SGCD: variants seen among roughly 807,000 people sequenced by gnomAD.
The protein encoded by SGCD is delta-sarcoglycan.
SGCD carries 18 observed loss-of-function variants against 36.6 expected under a neutral mutation model. That is an observed-to-expected ratio of 0.49 (90% confidence interval 0.34 to 0.73). The LOEUF (loss-of-function observed/expected upper bound fraction) is 0.73. Among genes scored for constraint, SGCD ranks in the 30% least tolerant of loss-of-function variants. The pLI, the probability that SGCD is intolerant of heterozygous loss-of-function variation, is 0.01. For synonymous variants in SGCD, 133 were observed against 130.6 expected, an observed-to-expected ratio of 1.02 and a Z score of -0.12; for missense variants, 387 against 346.7, an observed-to-expected ratio of 1.12 and a Z score of -0.92.
intron 3 of SGCD, among the ~76,000 whole-genome samples, chr5:156,363,916 C>T (rs1356925824): frequency 2.0e-5 from 3 of 152,188 alleles, no homozygotes; most frequent in Non-Finnish European, 4.4e-5. Context: ...AACTCACTAC[C>T]TGTCACATTG....
At chr5:156,176,160 C>T (rs1287959043) in intron 3 of SGCD, among the ~76,000 whole-genome samples, 1 of 151,466 alleles carries the variant, frequency 6.6e-6, no homozygotes, top group Non-Finnish European at 1.5e-5. Flanking sequence ...TGTTTGTGTG[C>T]GTGTGGTGAT....
At chr5:156,226,117 C>T (rs933485061) in intron 3 of SGCD, among the ~76,000 whole-genome samples, 1 of 152,040 alleles carries the variant, frequency 6.6e-6, no homozygotes, top group Non-Finnish European at 1.5e-5. Context: ...TGTTTGGTTA[C>T]ATGAGTAAGT....
intron 4 of SGCD, among the ~76,000 whole-genome samples, chr5:156,535,892 A>G (rs1758085494): frequency 1.3e-5 from 2 of 152,190 alleles, no homozygotes; most frequent in African/African-American, 4.8e-5. Context: ...AGGTAATTAA[A>G]TACTATATTA....
At chr5:155,814,537 G>T in the SGCD span, among the ~76,000 whole-genome samples, 1 of 152,286 alleles carries the variant, frequency 6.6e-6, no homozygotes, top group South Asian at 2.1e-4. Flanking sequence ...GGCATTCACT[G>T]TGGTAACTTC....
chr5:156,674,508 G>A (rs912554776), intron 7 of SGCD, among the ~76,000 whole-genome samples: 13 of 152,148 alleles, frequency 8.5e-5, no homozygotes, highest in African/African-American at 3.1e-4. Flanking sequence ...GGACTGAAGT[G>A]GTAAACGATC....
At chr5:156,462,838 C>T (rs561322339) in intron 3 of SGCD, among the ~76,000 whole-genome samples, 22 of 152,132 alleles carry the variant, frequency 1.4e-4, no homozygotes, top group Admixed American at 1.2e-3. Context: ...ATTATTTTTG[C>T]ACCACCCTAA....
At chr5:156,533,865 G>T (rs561786456) in intron 4 of SGCD, among the ~76,000 whole-genome samples, 12 of 152,276 alleles carry the variant, frequency 7.9e-5, no homozygotes, top group Admixed American at 2.6e-4. Context: ...TCCTTGAACT[G>T]TTCCTTCATT....
intron 3 of SGCD, among the ~76,000 whole-genome samples, chr5:156,186,264 G>A (rs1236840418): frequency 6.6e-6 from 1 of 152,182 alleles, no homozygotes; most frequent in South Asian, 2.1e-4. Flanking sequence ...TCTATATTGA[G>A]TTCTAACATA....
At chr5:156,023,351 C>T (rs2127573822) in intron 1 of SGCD, among the ~76,000 whole-genome samples, 1 of 152,262 alleles carries the variant, frequency 6.6e-6, no homozygotes, top group Admixed American at 6.5e-5. Context: ...ATGAACTGTG[C>T]TTAATATTCT....
the SGCD span, among the ~76,000 whole-genome samples, chr5:155,791,040 G>A: frequency 4.6e-5 from 7 of 152,044 alleles, no homozygotes; most frequent in African/African-American, 1.7e-4. Context: ...TAGAAAATAT[G>A]GATAATCATT....
chr5:156,144,457 G>A (rs975554736), intron 3 of SGCD, among the ~76,000 whole-genome samples: 31 of 152,190 alleles, frequency 2.0e-4, no homozygotes, highest in African/African-American at 7.0e-4. Context: ...GTATCTCATT[G>A]TGGTTTTGAT....
At chr5:156,640,679 A>G (rs753916383) in intron 6 of SGCD, among the ~76,000 whole-genome samples, 5 of 152,190 alleles carry the variant, frequency 3.3e-5, no homozygotes, top group Non-Finnish European at 5.9e-5. Context: ...GCCAGAGCCT[A>G]TTTTCCCCCA....
chr5:156,607,080 A>G (rs944985294), intron 6 of SGCD, among the ~76,000 whole-genome samples: 9 of 152,164 alleles, frequency 5.9e-5, no homozygotes, highest in African/African-American at 1.9e-4. Flanking sequence ...TTCCAACACT[A>G]TGTTGAATAG....
intron 3 of SGCD, among the ~76,000 whole-genome samples, chr5:156,265,289 G>A (rs569172973): frequency 4.7e-4 from 71 of 152,274 alleles, no homozygotes; most frequent in Non-Finnish European, 8.2e-4. Flanking sequence ...GAGGTAGGGA[G>A]AAGTTCCACT....
At position 156,709,015 on chromosome 5, in the gene SGCD, G is replaced by A. The variant is rs977456836; in HGVS notation, c.576-48566G>A. Among the ~76,000 whole-genome samples the A allele has an allele frequency of 2.1e-5, 3 of 145,200 alleles. No homozygotes were observed. The South Asian group carries it at 6.2e-4, about 30-fold the overall frequency. On this transcript the variant is annotated intron_variant, in intron 7 of 8. Transcript: ENST00000337851. ...CGGTACCATCTATCAGCTAATAAGA[G>A]CCTAGAGTCTTGCTGAGAGCAGGTA...
At chr5:156,445,496 C>A (rs148704727) in intron 3 of SGCD, among the ~76,000 whole-genome samples, 46 of 152,212 alleles carry the variant, frequency 3.0e-4, no homozygotes, top group African/African-American at 9.6e-4. Context: ...TATAACTTCT[C>A]ACTTTGATTG....
chr5:155,983,767 A>G (rs144641684), intron 1 of SGCD, among the ~76,000 whole-genome samples: 121 of 152,308 alleles, frequency 7.9e-4, no homozygotes, highest in African/African-American at 2.7e-3. Flanking sequence ...ACTGATTGCA[A>G]TTTTTGGTAG....
the SGCD span, among the ~76,000 whole-genome samples, chr5:155,776,258 C>T: frequency 6.6e-6 from 1 of 152,132 alleles, no homozygotes; most frequent in Non-Finnish European, 1.5e-5. Flanking sequence ...TAGGGGGACT[C>T]AGTCTGGCCC....
chr5:156,235,986 G>A (rs1378868270), intron 3 of SGCD, among the ~76,000 whole-genome samples: 7 of 152,196 alleles, frequency 4.6e-5, no homozygotes, highest in Non-Finnish European at 1.0e-4. Flanking sequence ...ATGGAAAAAT[G>A]TGGTGGATTT....
Sources: gnomAD v4.1 joint callset for allele counts (sites outside exome capture counted in the v4.1 genomes callset) on GRCh38, gnomAD v4.1.1 for gene constraint, MANE v1.5 for transcripts, NCBI Gene and HGNC (gene_info 2026-07-23, HGNC 2026-07-21) for gene names.